Variants in SGCG observed in about 807,000 individuals in gnomAD.
SGCG encodes the protein gamma-sarcoglycan.
SGCG carries 26 observed loss-of-function variants against 29.3 expected under a neutral mutation model. The observed-to-expected ratio is 0.89, with a 90% CI of 0.65 to 1.23. The LOEUF is 1.23. SGCG is among the 50% of genes most tolerant of loss of function. The pLI, the probability that SGCG is intolerant of heterozygous loss-of-function variation, is 0.00. For missense variants in SGCG, 353 were observed against 356.0 expected (o/e 0.99, Z 0.07); for synonymous variants, 145 against 129.7 (o/e 1.12, Z -0.80).
chr13:23,221,554 T>C (rs1255704145), intron 2 of SGCG, among the ~76,000 whole-genome samples: 2 of 152,238 alleles, frequency 1.3e-5, no homozygotes, highest in African/African-American at 2.4e-5. Flanking sequence ...TTCTATGATG[T>C]ATAAGGCACA....
At chr13:23,302,525 A>G (rs1389227442) in intron 6 of SGCG, among the ~76,000 whole-genome samples, 1 of 152,122 alleles carries the variant, frequency 6.6e-6, no homozygotes, top group Non-Finnish European at 1.5e-5. Context: ...TGTTCCCAAC[A>G]TAAAGAAATC....
chr13:23,242,163 G>A (rs1879538665), intron 3 of SGCG, among the ~76,000 whole-genome samples: 1 of 152,148 alleles, frequency 6.6e-6, no homozygotes, highest in South Asian at 2.1e-4. Flanking sequence ...GCCAATAAAT[G>A]TAATTTTTCC....
chr13:23,165,659 G>C, the SGCG span, among the ~76,000 whole-genome samples: 5 of 152,082 alleles, frequency 3.3e-5, no homozygotes, highest in African/African-American at 1.2e-4. Flanking sequence ...TGAGTAGGTA[G>C]GATTACAGGC....
intron 4 of SGCG, among the ~76,000 whole-genome samples, chr13:23,264,726 G>A (rs1172422419): frequency 6.6e-6 from 1 of 152,092 alleles, no homozygotes; most frequent in Non-Finnish European, 1.5e-5. Context: ...TATAAAAGTA[G>A]ATACATAGAT....
chr13:23,299,014 C>A (rs559940889), intron 6 of SGCG, among the ~76,000 whole-genome samples: 45 of 152,228 alleles, frequency 3.0e-4, no homozygotes, highest in African/African-American at 1.1e-3. Context: ...TTTTGACTGC[C>A]AGGAACTGTG....
chr13:23,222,617 G>A (rs1315971724), intron 2 of SGCG, among the ~76,000 whole-genome samples: 1 of 151,928 alleles, frequency 6.6e-6, no homozygotes, highest in Non-Finnish European at 1.5e-5. Context: ...CTTGAGACCA[G>A]GAGTTTGAGA....
chr13:23,282,006 TC>T (rs1365773816), intron 5 of SGCG, among the ~76,000 whole-genome samples: 1 of 152,170 alleles, frequency 6.6e-6, no homozygotes, highest in Admixed American at 6.5e-5. Flanking sequence ...TCTCCCAAAC[TC>T]CTCCTCTGAG....
chr13:23,324,511 G>A lies in SGCG; in HGVS notation c.846G>A (p.Thr282=), dbSNP rs778036404. Reference sequence around the variant, plus strand: ...TGTCTGTGGCCGGTGTGAGCACCACGTGCCAGGAGCACAACCACATCTGCC... The same window carrying A: ...TGTCTGTGGCCGGTGTGAGCACCACATGCCAGGAGCACAACCACATCTGCC... ...LYLSVAGVST[T]CQEHNHICL Residue 282 remains threonine, a synonymous_variant, in exon 8 of 8, where the codon ACG becomes ACA. Transcript: ENST00000218867. The A allele has an allele frequency of 3.7e-6, 6 of 1,612,832 alleles. No homozygotes were observed. The highest frequency in any genetic ancestry group is 1.7e-5 in the Admixed American group (1 of 60,022).
intron 4 of SGCG, among the ~76,000 whole-genome samples, chr13:23,263,560 A>G (rs1455974262): frequency 1.3e-5 from 2 of 151,924 alleles, no homozygotes; most frequent in Non-Finnish European, 2.9e-5. Flanking sequence ...CTGAGGAGAA[A>G]GAAATCCTCC....
the SGCG span, among the ~76,000 whole-genome samples, chr13:23,168,969 AATC>A: frequency 3.3e-5 from 5 of 152,038 alleles, no homozygotes; most frequent in Admixed American, 6.6e-5. Context: ...GTATTCTTAT[AATC>A]ATCATTCTTA....
the SGCG span, among the ~76,000 whole-genome samples, chr13:23,169,497 G>A: frequency 3.9e-5 from 6 of 151,954 alleles, no homozygotes; most frequent in Non-Finnish European, 8.8e-5. Flanking sequence ...TGGCCAACAT[G>A]GTGAAACCCC....
chr13:23,190,510 T>C (rs1034518100), intron 1 of SGCG, among the ~76,000 whole-genome samples: 2 of 152,160 alleles, frequency 1.3e-5, no homozygotes, highest in Non-Finnish European at 2.9e-5. Context: ...TAAGAAAACA[T>C]AGGCCTCCAG....
At chr13:23,318,843 G>C (rs1160039931) in intron 6 of SGCG, among the ~76,000 whole-genome samples, 1 of 152,212 alleles carries the variant, frequency 6.6e-6, no homozygotes, top group Non-Finnish European at 1.5e-5. Context: ...AAGTCATTTT[G>C]TTGTCGTTTA....
intron 1 of SGCG, among the ~76,000 whole-genome samples, chr13:23,200,338 A>C (rs1877691023): frequency 7.0e-6 from 1 of 142,594 alleles, no homozygotes; most frequent in African/African-American, 2.5e-5. Flanking sequence ...CAGGAGACTC[A>C]CTTGAAACCC....
intron 5 of SGCG, among the ~76,000 whole-genome samples, chr13:23,286,518 T>G (rs1881502386): frequency 6.6e-6 from 1 of 152,216 alleles, no homozygotes; most frequent in Non-Finnish European, 1.5e-5. Flanking sequence ...CAGTTGTTCC[T>G]CATTATCTTC....
chr13:23,315,273 A>T (rs1404275461), intron 6 of SGCG, among the ~76,000 whole-genome samples: 1 of 152,228 alleles, frequency 6.6e-6, no homozygotes, highest in African/African-American at 2.4e-5. Flanking sequence ...TGAACTGCCT[A>T]TCGTAAACTG....
intron 1 of SGCG, among the ~76,000 whole-genome samples, chr13:23,197,779 G>GA (rs1593167626): frequency 6.6e-6 from 1 of 152,060 alleles, no homozygotes; most frequent in East Asian, 1.9e-4. Flanking sequence ...GAAAATATAG[G>GA]AAAGACAATG....
chr13:23,298,403 C>A (rs1009352674), intron 6 of SGCG, among the ~76,000 whole-genome samples: 1 of 152,006 alleles, frequency 6.6e-6, no homozygotes, highest in African/African-American at 2.4e-5. Context: ...AGATATTCTC[C>A]CTAAATAATA....
rs187803488 is a variant in SGCG at position 23,239,651 on chromosome 13, C to T, written c.297+4939C>T. On this transcript the variant is annotated intron_variant, in intron 3 of 7. Coordinates refer to ENST00000218867, the MANE Select transcript of SGCG (RefSeq NM_000231.3). ...GAACAATGTATTTGGGATGTTATAA[C>T]AGGATAGGCATAAAATGTATGACAC... Among the ~76,000 whole-genome samples the T allele has an allele frequency of 3.9e-4, 60 of 152,222 alleles. No homozygotes were observed. The East Asian group carries it at 0.011, about 28-fold the overall frequency.
Sources: allele counts gnomAD v4.1 joint callset (sites outside exome capture counted in the v4.1 genomes callset), GRCh38; gene constraint gnomAD v4.1.1; transcripts MANE v1.5; gene names NCBI Gene and HGNC (gene_info 2026-07-23, HGNC 2026-07-21).